Variants in ASPRV1 observed in about 807,000 individuals in gnomAD.
The protein encoded by ASPRV1 is retroviral-like aspartic protease 1.
Under a neutral mutation model 11.0 loss-of-function variants are expected in ASPRV1, and 7 were observed. The observed-to-expected ratio is 0.64, with a 90% CI of 0.36 to 1.20. ASPRV1 has a LOEUF of 1.20. Ranked by LOEUF, ASPRV1 falls within the 50% of genes most tolerant of loss-of-function variation. The pLI, the probability that ASPRV1 is intolerant of heterozygous loss-of-function variation, is 0.02. For synonymous variants in ASPRV1, 136 were observed against 138.4 expected (o/e 0.98, Z 0.12); for missense variants, 299 against 320.0 (o/e 0.93, Z 0.50).
At chr2:69,979,267 T>G in the ASPRV1 span, among the ~76,000 whole-genome samples, 1 of 152,172 alleles carries the variant, frequency 6.6e-6, no homozygotes, top group Non-Finnish European at 1.5e-5. Flanking sequence ...TCTCCTGACC[T>G]CATGATCCAC....
the ASPRV1 span, among the ~76,000 whole-genome samples, chr2:70,082,042 A>G: frequency 6.6e-6 from 1 of 151,984 alleles, no homozygotes; most frequent in African/African-American, 2.4e-5. Flanking sequence ...CAGTGGCACC[A>G]TCTCAGCTCA....
At chr2:69,978,737 A>C in the ASPRV1 span, among the ~76,000 whole-genome samples, 1 of 152,142 alleles carries the variant, frequency 6.6e-6, no homozygotes, top group Non-Finnish European at 1.5e-5. Flanking sequence ...CGCGCCCTCC[A>C]AGGTGGTAGC....
chr2:69,989,449 C>A, the ASPRV1 span, among the ~76,000 whole-genome samples: 23 of 152,346 alleles, frequency 1.5e-4, no homozygotes, highest in East Asian at 1.7e-3. Context: ...ACATGGGGGG[C>A]CTCAGAGTTC....
the ASPRV1 span, among the ~76,000 whole-genome samples, chr2:69,999,429 A>C: frequency 6.6e-6 from 1 of 152,142 alleles, no homozygotes; most frequent in South Asian, 2.1e-4. Context: ...CAAGGAGGGC[A>C]GATCACTTGA....
the ASPRV1 span, among the ~76,000 whole-genome samples, chr2:70,061,774 C>T: frequency 6.6e-6 from 1 of 151,552 alleles, no homozygotes; most frequent in African/African-American, 2.4e-5. Context: ...CATAGCGAAA[C>T]CCTGTCTCTA....
chr2:70,063,698 GTAAAGAGCCCA>G, the ASPRV1 span, among the ~76,000 whole-genome samples: 488 of 152,244 alleles, frequency 3.2e-3, 6 homozygotes, highest in Admixed American at 0.023. Flanking sequence ...TCATTTTAAA[GTAAAGAGCCCA>G]TAAAATACAG....
the ASPRV1 span, among the ~76,000 whole-genome samples, chr2:70,070,115 G>C: frequency 7.3e-6 from 1 of 136,944 alleles, no homozygotes; most frequent in Non-Finnish European, 1.5e-5. Flanking sequence ...GGAGGCAGAA[G>C]TTGCAGTGAG....
the ASPRV1 span, among the ~76,000 whole-genome samples, chr2:69,982,399 T>C: frequency 6.6e-6 from 1 of 151,998 alleles, no homozygotes; most frequent in Non-Finnish European, 1.5e-5. Context: ...AAGGCTGGAA[T>C]GAGCTGTGAT....
chr2:69,985,144 C>G, the ASPRV1 span, among the ~76,000 whole-genome samples: 1 of 152,178 alleles, frequency 6.6e-6, no homozygotes, highest in Non-Finnish European at 1.5e-5. Flanking sequence ...GCGTGAGCCA[C>G]GGCGCCCGGC....
At chr2:69,940,065 CCTGTAATT>C in the ASPRV1 span, 1 of 146,712 alleles carries the variant, frequency 6.8e-6, no homozygotes, top group Non-Finnish European at 1.5e-5. Flanking sequence ...TCCAAAGTCA[CCTGTAATT>C]CTTCTGTTTT....
the ASPRV1 span, among the ~76,000 whole-genome samples, chr2:70,062,744 C>A: frequency 2.0e-5 from 3 of 152,108 alleles, no homozygotes; most frequent in Admixed American, 6.6e-5. Flanking sequence ...GTGCTATGAT[C>A]ACGCCTGTGA....
the ASPRV1 span, among the ~76,000 whole-genome samples, chr2:70,001,931 G>A: frequency 2.0e-5 from 3 of 152,098 alleles, no homozygotes; most frequent in African/African-American, 7.2e-5. Flanking sequence ...AAGAAAAAAT[G>A]TTCACAATGT....
chr2:70,037,211 A>G, the ASPRV1 span, among the ~76,000 whole-genome samples: 3 of 152,276 alleles, frequency 2.0e-5, no homozygotes, highest in East Asian at 5.8e-4. Context: ...CCCCATTTCC[A>G]TCATGATAGG....
the ASPRV1 span, chr2:69,997,992 C>G: frequency 6.6e-6 from 1 of 152,326 alleles, no homozygotes; most frequent in African/African-American, 2.4e-5. Context: ...GTTGTTGAAA[C>G]TGAGGCATAG....
chr2:69,965,193 C>G (rs1435704020), upstream of ASPRV1, among the ~76,000 whole-genome samples: 1 of 152,178 alleles, frequency 6.6e-6, no homozygotes, highest in Non-Finnish European at 1.5e-5. Flanking sequence ...GATTACACCA[C>G]CACACCTGGC....
the ASPRV1 span, among the ~76,000 whole-genome samples, chr2:70,058,770 C>T: frequency 6.6e-6 from 1 of 150,706 alleles, no homozygotes; most frequent in East Asian, 1.9e-4. Flanking sequence ...CCAGGCTGGT[C>T]TTGAACTCCT....
the ASPRV1 span, among the ~76,000 whole-genome samples, chr2:69,999,384 G>T: frequency 8.0e-3 from 1,213 of 152,120 alleles, 14 homozygotes; most frequent in African/African-American, 0.027. Flanking sequence ...TATAAAGACA[G>T]AAACAATGCC....
chr2:69,962,894 C>A, upstream of ASPRV1: 1 of 198,384 alleles, frequency 5.0e-6, no homozygotes, highest in Non-Finnish European at 1.1e-5. Flanking sequence ...GACCCAGGGG[C>A]TCTTTGCTGG....
chr2:70,078,001 T>C, the ASPRV1 span, among the ~76,000 whole-genome samples: 1 of 151,144 alleles, frequency 6.6e-6, no homozygotes, highest in Non-Finnish European at 1.5e-5. Context: ...ACCTCGTCTC[T>C]ACTAAAAATA....
Sources: allele counts gnomAD v4.1 joint callset (sites outside exome capture counted in the v4.1 genomes callset), GRCh38; gene constraint gnomAD v4.1.1; transcripts MANE v1.5; gene names NCBI Gene and HGNC (gene_info 2026-07-23, HGNC 2026-07-21).